Variants in POLK observed in about 807,000 individuals in gnomAD.
The protein encoded by POLK is DNA polymerase kappa.
In POLK, 76 loss-of-function variants were observed where a neutral mutation model predicts 94.0. The ratio of observed to expected loss-of-function variants is 0.81; its 90% CI spans 0.67 to 0.98. The LOEUF (loss-of-function observed/expected upper bound fraction) is 0.98. POLK is among the 50% of genes least tolerant of loss of function. The pLI, the probability that POLK is intolerant of heterozygous loss-of-function variation, is 0.00. For missense variants in POLK, 954 were observed against 1,010.1 expected (o/e 0.94, Z 0.75); for synonymous variants, 349 against 325.4 (o/e 1.07, Z -0.78).
At chr5:75,570,680 T>C (rs1284443125) in intron 4 of POLK, among the ~76,000 whole-genome samples, 2 of 152,204 alleles carry the variant, frequency 1.3e-5, no homozygotes, top group Non-Finnish European at 2.9e-5. Flanking sequence ...AGGATAGCTA[T>C]GTGTGGCTGA....
intron 1 of POLK, among the ~76,000 whole-genome samples, chr5:75,520,282 A>G (rs564445064): frequency 6.6e-6 from 1 of 152,108 alleles, no homozygotes; most frequent in Admixed American, 6.5e-5. Context: ...ATTGTTTTTA[A>G]CAAGTTTGTC....
Position 75,569,193 on chromosome 5 carries a change from G to GTGGA in POLK, c.256-140_256-137dup, listed in dbSNP as rs1771448120. ...TACACACCCATAAGTAAGTGGATGG[G>GTGGA]TGGATGGATGAATGGATGGATGGAT... is the stretch of plus-strand genomic sequence containing the variant. On this transcript the variant is annotated intron_variant, in intron 3 of 14. Transcript: ENST00000241436. The GTGGA allele has an allele frequency of 8.5e-6, 5 of 591,080 alleles. No homozygotes were observed. In the Admixed American group the frequency reaches 1.3e-4, roughly 15 times the overall value. The allele number at this position is 591,080 out of a possible 1,614,324, so 36.6% of individuals were successfully genotyped here.
chr5:75,532,367 T>G (rs1171707454), intron 1 of POLK, among the ~76,000 whole-genome samples: 1 of 152,228 alleles, frequency 6.6e-6, no homozygotes, highest in Non-Finnish European at 1.5e-5. Flanking sequence ...TTGCTTAGTA[T>G]GATGACCTCC....
chr5:75,521,448 A>G (rs1768581537), intron 1 of POLK, among the ~76,000 whole-genome samples: 1 of 151,674 alleles, frequency 6.6e-6, no homozygotes, highest in Non-Finnish European at 1.5e-5. Flanking sequence ...TTGATTTTTT[A>G]TTGTTTCAAA....
At chr5:75,527,511 A>G (rs932420927) in intron 1 of POLK, among the ~76,000 whole-genome samples, 3 of 139,794 alleles carry the variant, frequency 2.1e-5, no homozygotes, top group Non-Finnish European at 4.6e-5. Flanking sequence ...ATACACACAC[A>G]CACACACACA....
At chr5:75,563,481 G>A (rs1581029345) in intron 3 of POLK, among the ~76,000 whole-genome samples, 1 of 152,086 alleles carries the variant, frequency 6.6e-6, no homozygotes, top group East Asian at 1.9e-4. Flanking sequence ...TATTTTAATT[G>A]TGATGTTAGG....
chr5:75,559,452 T>TACAAAATGC (rs1430302832), intron 3 of POLK, among the ~76,000 whole-genome samples: 1 of 151,636 alleles, frequency 6.6e-6, no homozygotes, highest in Non-Finnish European at 1.5e-5. Flanking sequence ...ATGACAGCTA[T>TACAAAATGC]ACAGCAAATC....
chr5:75,529,489 A>G (rs1031766343), intron 1 of POLK, among the ~76,000 whole-genome samples: 1 of 152,160 alleles, frequency 6.6e-6, no homozygotes, highest in Non-Finnish European at 1.5e-5. Context: ...AAAACCATGG[A>G]TGCATGGTTT....
At chr5:75,591,869 T>G (rs943213383) in intron 11 of POLK, among the ~76,000 whole-genome samples, 1 of 152,220 alleles carries the variant, frequency 6.6e-6, no homozygotes, top group African/African-American at 2.4e-5. Flanking sequence ...GGAAGTGTCC[T>G]TCTCATAACA....
chr5:75,594,803 G>A (rs1772979158), intron 12 of POLK, among the ~76,000 whole-genome samples: 1 of 152,196 alleles, frequency 6.6e-6, no homozygotes, highest in Non-Finnish European at 1.5e-5. Flanking sequence ...ATGGTAAAAA[G>A]TAACAAGCCA....
intron 7 of POLK, chr5:75,582,131 A>G (rs1377184013): frequency 4.1e-6 from 4 of 987,472 alleles, no homozygotes; most frequent in Non-Finnish European, 4.8e-6. Flanking sequence ...AAGGTAAGAG[A>G]CAAAAGAAAT....
chr5:75,596,139 T>G, intron 12 of POLK, 83 bp from the exon 13 acceptor site: 1 of 756,034 alleles, frequency 1.3e-6, no homozygotes, highest in Non-Finnish European at 2.3e-6. Context: ...GTATATGTCA[T>G]AGCACTAGAC....
intron 1 of POLK, among the ~76,000 whole-genome samples, chr5:75,540,506 C>T (rs996304299): frequency 2.6e-5 from 4 of 152,052 alleles, no homozygotes; most frequent in Admixed American, 6.6e-5. Flanking sequence ...ACTATGTTGC[C>T]CAGGCTGGTC....
chr5:75,585,379 T>C (rs1348125465), intron 9 of POLK, among the ~76,000 whole-genome samples: 1 of 152,250 alleles, frequency 6.6e-6, no homozygotes, highest in Non-Finnish European at 1.5e-5. Context: ...GGCACTATTC[T>C]AGGCACTGTA....
At chr5:75,539,719 A>G (rs530755949) in intron 1 of POLK, among the ~76,000 whole-genome samples, 7 of 152,238 alleles carry the variant, frequency 4.6e-5, no homozygotes, top group South Asian at 2.1e-4. Flanking sequence ...TTGGCTCCCC[A>G]AAGGGCTGGG....
intron 2 of POLK, 69 bp downstream of exon 2, chr5:75,547,226 A>C (rs1770073198): frequency 1.5e-6 from 1 of 654,982 alleles, no homozygotes; most frequent in African/African-American, 1.9e-5. Flanking sequence ...AAAGAAAATC[A>C]TTTGAATATC....
At chr5:75,574,743 A>C (rs1293298077) in intron 5 of POLK, among the ~76,000 whole-genome samples, 1 of 152,170 alleles carries the variant, frequency 6.6e-6, no homozygotes, top group Non-Finnish European at 1.5e-5. Flanking sequence ...TTTTCTGTCC[A>C]AGGCAGTCTG....
chr5:75,599,914 C>T (rs1234425681), exon 15 of POLK: 1 of 152,038 alleles, frequency 6.6e-6, no homozygotes, highest in African/African-American at 2.4e-5. Context: ...TCTTTACTAC[C>T]TGTTTTGTCT....
chr5:75,547,798 A>C (rs1362692206), intron 2 of POLK, among the ~76,000 whole-genome samples: 1 of 152,218 alleles, frequency 6.6e-6, no homozygotes, highest in Admixed American at 6.5e-5. Context: ...TCCACTACAA[A>C]TATCTGAGAG....
Sources: allele counts gnomAD v4.1 joint callset (sites outside exome capture counted in the v4.1 genomes callset), GRCh38; gene constraint gnomAD v4.1.1; transcripts MANE v1.5; gene names NCBI Gene and HGNC (gene_info 2026-07-23, HGNC 2026-07-21).